Variants in CMIP observed in about 807,000 individuals in gnomAD.
The protein encoded by CMIP is c-Maf inducing protein, also known as C-Maf-inducing protein.
A neutral mutation model predicts 97.3 loss-of-function variants in CMIP; 13 were observed. The observed-to-expected ratio is 0.13, with a 90% CI of 0.09 to 0.21. The LOEUF is 0.21. CMIP is among the 10% of genes least tolerant of loss of function. CMIP has a pLI of 1.00. For synonymous variants in CMIP, 538 were observed against 436.3 expected, an observed-to-expected ratio of 1.23 and a Z score of -2.91; for missense variants, 847 against 1,024.9, an observed-to-expected ratio of 0.83 and a Z score of 2.37.
intron 7 of CMIP, among the ~76,000 whole-genome samples, chr16:81,669,891 G>A (rs530487370): frequency 1.3e-5 from 2 of 152,300 alleles, no homozygotes; most frequent in African/African-American, 2.4e-5. Flanking sequence ...CCTTTTGAGG[G>A]TGGCTTTCTC....
At position 81,467,471 on chromosome 16, in the gene CMIP, C is replaced by T. The variant is rs546797674; in HGVS notation, c.300+21930C>T. On this transcript the variant is annotated intron_variant, in intron 1 of 20. Transcript: ENST00000537098. The stretch of plus-strand genomic sequence containing the variant: ...AGATGAGAGGATTTGAATGCGCCAC[C>T]CTCAAAAATGGCATTTATACCCCAG... Among the ~76,000 whole-genome samples, 17 of 152,226 alleles carry T rather than the reference C, an allele frequency of 1.1e-4. No individual in the cohort carries two copies. In the East Asian group the frequency reaches 3.1e-3, roughly 28 times the overall value.
In CMIP at chr16:81,474,811, C is replaced by T. The variant is rs1597459572; in HGVS notation, c.300+29270C>T. Among the ~76,000 whole-genome samples, 3 of 152,296 alleles carry T rather than the reference C, an allele frequency of 2.0e-5. 1 individual carries two copies. In the South Asian group the frequency reaches 6.2e-4, roughly 32 times the overall value. The stretch of plus-strand genomic sequence containing the variant: ...GCCAGGGGAGCCAGCCCAGGACAGT[C>T]TCTGTGCCTAGGCCCTGCCAGCCTG... On this transcript the variant is annotated intron_variant, in intron 1 of 20. Coordinates refer to ENST00000537098, the MANE Select transcript of CMIP (RefSeq NM_198390.3).
intron 1 of CMIP, among the ~76,000 whole-genome samples, chr16:81,563,506 A>G (rs554882023): frequency 6.6e-6 from 1 of 152,320 alleles, no homozygotes; most frequent in South Asian, 2.1e-4. Flanking sequence ...GAGATGCAGC[A>G]TCTGGGGCCA....
At chr16:81,516,836 G>A (rs150132030) in intron 1 of CMIP, among the ~76,000 whole-genome samples, 1 of 152,332 alleles carries the variant, frequency 6.6e-6, no homozygotes, top group African/African-American at 2.4e-5. Context: ...GTATGTGTCA[G>A]GTAGCATAGT....
At chr16:81,675,294 C>T (rs145455799) in intron 9 of CMIP, among the ~76,000 whole-genome samples, 4,135 of 152,180 alleles carry the variant, frequency 0.027, 94 homozygotes, top group African/African-American at 0.061. Flanking sequence ...ACCTCTGCCT[C>T]CTGTCTTCAA....
chr16:81,522,927 GT>G (rs914360220), intron 1 of CMIP, among the ~76,000 whole-genome samples: 6 of 150,838 alleles, frequency 4.0e-5, no homozygotes, highest in Middle Eastern at 3.2e-3. Context: ...TTTGTATATG[GT>G]TTTTTTTTCT....
chr16:81,667,086 G>A (rs2092612211), intron 7 of CMIP: 1 of 152,098 alleles, frequency 6.6e-6, no homozygotes, highest in Non-Finnish European at 1.5e-5. Flanking sequence ...TTCTCCTTAA[G>A]GAGGCACTCA....
At chr16:81,704,110 T>C (rs1907746484) in intron 18 of CMIP, 25 bp downstream of exon 18, 1 of 1,580,066 alleles carries the variant, frequency 6.3e-7, no homozygotes. Context: ...CCTGCTGCAG[T>C]CCCCCACACC....
At chr16:81,496,413 G>T (rs1284445770) in intron 1 of CMIP, among the ~76,000 whole-genome samples, 1 of 152,192 alleles carries the variant, frequency 6.6e-6, no homozygotes, top group South Asian at 2.1e-4. Flanking sequence ...GTACGATGGA[G>T]GGGAGTTAAT....
In CMIP at chr16:81,696,549, T is replaced by C. The variant is rs779627653; in HGVS notation, c.1531-11T>C. 2.5e-5 allele frequency: 40 copies of C among 1,601,718 alleles called. No individual in the cohort carries two copies. The highest frequency in any genetic ancestry group is 3.3e-5 in the Non-Finnish European group (39 of 1,179,164). ...ATGCAGCTCACACTTGTGTCTTCCC[T>C]TGTCTGGCAGGTCCACTCATGCCTG... On this transcript the variant is annotated splice_polypyrimidine_tract_variant and intron_variant, in intron 13 of 20. Transcript: ENST00000537098.
intron 1 of CMIP, among the ~76,000 whole-genome samples, chr16:81,543,595 C>CTTTT (rs923619561): frequency 6.6e-6 from 1 of 152,160 alleles, no homozygotes; most frequent in Non-Finnish European, 1.5e-5. Flanking sequence ...CAATTCCTGG[C>CTTTT]TTTTATCTAT....
intron 4 of CMIP, among the ~76,000 whole-genome samples, chr16:81,654,602 G>C (rs559413144): frequency 7.9e-5 from 12 of 152,326 alleles, no homozygotes; most frequent in Non-Finnish European, 1.6e-4. Flanking sequence ...CAGGCTGCCT[G>C]ACCCGGCATC....
In CMIP at chr16:81,481,204, C is replaced by T. The variant is rs148145593; in HGVS notation, c.300+35663C>T. On this transcript the variant is annotated intron_variant, in intron 1 of 20. Coordinates refer to ENST00000537098, the MANE Select transcript of CMIP (RefSeq NM_198390.3). ...GCCGTCTGGGGCTCTTAGGAATATGCGGTGATGAGACAGGCACAGTCTCCA... is the reference window on the plus strand; with the variant it reads ...GCCGTCTGGGGCTCTTAGGAATATGTGGTGATGAGACAGGCACAGTCTCCA... Among the ~76,000 whole-genome samples, 108 of 152,280 alleles carry T rather than the reference C, an allele frequency of 7.1e-4. 1 individual carries two copies. The East Asian group carries it at 0.017, about 24-fold the overall frequency.
intron 1 of CMIP, among the ~76,000 whole-genome samples, chr16:81,457,923 CT>C (rs1288356243): frequency 1.3e-5 from 2 of 152,240 alleles, no homozygotes; most frequent in Non-Finnish European, 2.9e-5. Flanking sequence ...AAGCTCCCCC[CT>C]ACCTTTGATC....
At chr16:81,643,293 G>C (rs867399868) in intron 3 of CMIP, among the ~76,000 whole-genome samples, 1 of 152,216 alleles carries the variant, frequency 6.6e-6, no homozygotes, top group Admixed American at 6.5e-5. Flanking sequence ...GACACATAGT[G>C]TATGATTCCA....
Position 81,706,585 on chromosome 16 carries a change from C to T in CMIP, c.2198-429C>T, listed in dbSNP as rs187748821. On this transcript the variant is annotated intron_variant, in intron 19 of 20. Transcript: ENST00000537098. ...GGAGTGGGTGGAGGGGTCTGCCCCC[C>T]GTGCGACTCCAACACAAACCAGAGG... is the stretch of plus-strand genomic sequence containing the variant. Among the ~76,000 whole-genome samples, 227 of 152,348 alleles carry T rather than the reference C, an allele frequency of 1.5e-3. 1 individual carries two copies. Among genetic ancestry groups the T allele is most frequent in the Non-Finnish European group, 2.3e-3 (159 of 68,034 alleles).
At chr16:81,610,632 C>A (rs1324229804) in intron 2 of CMIP, 1 of 688,570 alleles carries the variant, frequency 1.5e-6, no homozygotes, top group Non-Finnish European at 1.8e-6. Flanking sequence ...TTCTCCCTTG[C>A]TTCCCTCTCA....
intron 13 of CMIP, among the ~76,000 whole-genome samples, chr16:81,694,335 G>T (rs1237489639): frequency 6.6e-6 from 1 of 152,184 alleles, no homozygotes; most frequent in Non-Finnish European, 1.5e-5. Flanking sequence ...GCTCCCGGCA[G>T]AACAGGGGGA....
At chr16:81,547,084 T>G (rs989980131) in intron 1 of CMIP, among the ~76,000 whole-genome samples, 2 of 152,018 alleles carry the variant, frequency 1.3e-5, no homozygotes, top group African/African-American at 2.4e-5. Flanking sequence ...CACACAGATG[T>G]GGGATGGCCG....
Sources: allele counts gnomAD v4.1 joint callset (sites outside exome capture counted in the v4.1 genomes callset), GRCh38; gene constraint gnomAD v4.1.1; transcripts MANE v1.5; gene names NCBI Gene and HGNC (gene_info 2026-07-23, HGNC 2026-07-21).